Variants in LRP1B observed in about 807,000 individuals in gnomAD.
LRP1B encodes low-density lipoprotein receptor-related protein 1B.
A neutral mutation model predicts 556.6 loss-of-function variants in LRP1B; 217 were observed. That is an observed-to-expected ratio of 0.39 (90% CI 0.35 to 0.44). The LOEUF (loss-of-function observed/expected upper bound fraction) is 0.44, where lower values mean the gene tolerates loss of function less well. LRP1B is among the 20% of genes least tolerant of loss of function. The probability of loss-of-function intolerance (pLI) is 1.00; values close to 1 mark genes in which losing one functional copy is unlikely to be tolerated. For synonymous variants in LRP1B, 2,047 were observed against 1,865.8 expected (o/e 1.10, Z -2.50); for missense variants, 5,053 against 5,620.8 (o/e 0.90, Z 3.23).
At position 141,463,640 on chromosome 2, in the gene LRP1B, T is replaced by A. The variant is rs559446959; in HGVS notation, c.343+16756A>T. Among the ~76,000 whole-genome samples the A allele has an allele frequency of 4.1e-3, 517 of 124,750 alleles. 27 individuals carry two copies. Among genetic ancestry groups the A allele is most frequent in the African/African-American group, 0.016 (459 of 28,686 alleles). The allele number at this position is 124,750 out of a possible 152,430, so 81.8% of individuals were successfully genotyped here. ...TTATGTATTATATATTATTATATATTATATATTATATATAATTATATATAT... is the reference window on the plus strand; with the variant it reads ...TTATGTATTATATATTATTATATATAATATATTATATATAATTATATATAT... On this transcript the variant is annotated intron_variant, in intron 3 of 90. Coordinates refer to ENST00000389484, the MANE Select transcript of LRP1B (RefSeq NM_018557.3).
At chr2:142,068,023 C>T (rs1439509525) in intron 1 of LRP1B, among the ~76,000 whole-genome samples, 1 of 151,498 alleles carries the variant, frequency 6.6e-6, no homozygotes, top group Non-Finnish European at 1.5e-5. Flanking sequence ...ATCTTCCTAG[C>T]AGTCTAGGAG....
At chr2:141,973,489 T>C (rs957916479) in intron 1 of LRP1B, among the ~76,000 whole-genome samples, 2 of 151,904 alleles carry the variant, frequency 1.3e-5, no homozygotes, top group African/African-American at 4.8e-5. Flanking sequence ...AAGCAGTTTT[T>C]ATATCTGTTT....
At chr2:141,463,582 T>TATATATATTATATATTATATAATATTA (rs1405204222) in intron 3 of LRP1B, among the ~76,000 whole-genome samples, 5 of 78,344 alleles carry the variant, frequency 6.4e-5, no homozygotes, top group South Asian at 6.9e-4. Flanking sequence ...TTATATATAA[T>TATATATATTATATATTATATAATATTA]TATATATAAT....
chr2:141,108,213 A>C (rs185597320), intron 7 of LRP1B, among the ~76,000 whole-genome samples: 18 of 147,802 alleles, frequency 1.2e-4, no homozygotes, highest in African/African-American at 2.9e-4. Flanking sequence ...TGGAAATAAC[A>C]ACAACAATCC....
chr2:141,978,058 A>G (rs1442247743), intron 1 of LRP1B, among the ~76,000 whole-genome samples: 7 of 152,156 alleles, frequency 4.6e-5, no homozygotes, highest in African/African-American at 1.7e-4. Context: ...AATTTTTTAA[A>G]TGCGGTTTTG....
chr2:140,768,879 A>G (rs192396011), intron 35 of LRP1B, among the ~76,000 whole-genome samples: 2 of 152,038 alleles, frequency 1.3e-5, no homozygotes, highest in Non-Finnish European at 2.9e-5. Flanking sequence ...TAATAGATCA[A>G]AATGCTTTGT....
At chr2:141,902,710 T>G (rs1699655035) in intron 1 of LRP1B, among the ~76,000 whole-genome samples, 1 of 131,296 alleles carries the variant, frequency 7.6e-6, no homozygotes, top group Admixed American at 8.4e-5. Flanking sequence ...AATGTAGTTG[T>G]GTCTTATTGA....
chr2:141,918,358 A>T (rs992201669), intron 1 of LRP1B, among the ~76,000 whole-genome samples: 3 of 152,148 alleles, frequency 2.0e-5, no homozygotes, highest in East Asian at 1.9e-4. Context: ...ATAGAAAAAA[A>T]AACTTTTCAG....
chr2:141,103,522 T>TTCTCTCTCTCTCTCTCTCTC lies in LRP1B; in HGVS notation c.1014-41250_1014-41249insGAGAGAGAGAGAGAGAGAGA, dbSNP rs61008140. On this transcript the variant is annotated intron_variant, in intron 7 of 90. Transcript: ENST00000389484. ...CAGAAGCTGGGCCATAGCACACACA[T>TTCTCTCTCTCTCTCTCTCTC]TCTCTCTCTCTCTTAAAAAGTTCAG... is the stretch of plus-strand genomic sequence containing the variant. Among the ~76,000 whole-genome samples, 1,036 of 149,104 alleles carry TTCTCTCTCTCTCTCTCTCTC rather than the reference T, an allele frequency of 6.9e-3. 13 individuals are homozygous for TTCTCTCTCTCTCTCTCTCTC. Among genetic ancestry groups the TTCTCTCTCTCTCTCTCTCTC allele is most frequent in the Middle Eastern group, 0.021 (6 of 292 alleles).
At chr2:141,531,516 T>A (rs969238046) in intron 2 of LRP1B, among the ~76,000 whole-genome samples, 1 of 152,152 alleles carries the variant, frequency 6.6e-6, no homozygotes, top group African/African-American at 2.4e-5. Context: ...TGCCTGCATA[T>A]TGTAATATTA....
intron 18 of LRP1B, among the ~76,000 whole-genome samples, chr2:140,960,874 T>G (rs1407862947): frequency 6.6e-6 from 1 of 151,990 alleles, no homozygotes; most frequent in Non-Finnish European, 1.5e-5. Flanking sequence ...CATTGTAAAT[T>G]ATTTAATGTG....
chr2:140,784,250 C>A (rs991537293), intron 32 of LRP1B, among the ~76,000 whole-genome samples: 1 of 151,966 alleles, frequency 6.6e-6, no homozygotes, highest in African/African-American at 2.4e-5. Context: ...AGTCCCCTAC[C>A]CTGACTTTTG....
At chr2:141,784,537 T>C (rs979025628) in intron 2 of LRP1B, among the ~76,000 whole-genome samples, 1 of 151,930 alleles carries the variant, frequency 6.6e-6, no homozygotes, top group East Asian at 1.9e-4. Context: ...TTTTTGAAAC[T>C]GTTATCTTTG....
At chr2:142,039,874 G>A (rs907434422) in intron 1 of LRP1B, among the ~76,000 whole-genome samples, 1 of 151,474 alleles carries the variant, frequency 6.6e-6, no homozygotes, top group African/African-American at 2.4e-5. Flanking sequence ...GAGCATTTCA[G>A]GACATAGATC....
Position 140,840,992 on chromosome 2 carries a change from T to C in LRP1B, c.5040A>G (p.Leu1680=), listed in dbSNP as rs1559150299. The change falls in exon 30 of 91, where the codon CTA becomes CTG. Residue 1680 remains leucine, a synonymous_variant. Transcript: ENST00000389484. ...FDETQINVAR[L]DGSLKTSIIH... ...TAATTGAGGTTTTCAAAGAGCCATC[T>C]AGCCTTGCCACATTAATTTGCGTTT... is the stretch of plus-strand genomic sequence containing the variant. The C allele has an allele frequency of 6.8e-6, 11 of 1,613,456 alleles. No homozygotes were observed. Among genetic ancestry groups the C allele is most frequent in the Non-Finnish European group, 8.5e-6 (10 of 1,179,718 alleles).
chr2:141,713,033 C>A (rs1692424913), intron 2 of LRP1B, among the ~76,000 whole-genome samples: 1 of 151,622 alleles, frequency 6.6e-6, no homozygotes, highest in Non-Finnish European at 1.5e-5. Context: ...ATCCTAACCT[C>A]CATTGAACAT....
intron 7 of LRP1B, among the ~76,000 whole-genome samples, chr2:141,062,772 A>T (rs1018245063): frequency 6.6e-6 from 1 of 151,886 alleles, no homozygotes; most frequent in African/African-American, 2.4e-5. Context: ...CAGACAGAAA[A>T]GCAAATGTGC....
chr2:140,583,163 TTTTTTTTC>T lies in LRP1B; in HGVS notation c.7194+15460_7194+15467del, dbSNP rs1345420937. ...GAAAGTTTCTATTGACAGTTTCTCC[TTTTTTTTC>T]TTTTTTTTTTTTTTTTTTTTTTGAG... On this transcript the variant is annotated intron_variant, in intron 43 of 90. Coordinates refer to ENST00000389484, the MANE Select transcript of LRP1B (RefSeq NM_018557.3). 1.1e-4 allele frequency among the ~76,000 whole-genome samples: 5 copies of T among 44,508 alleles called. 1 individual carries two copies. The highest frequency in any genetic ancestry group is 2.0e-4 in the African/African-American group (2 of 10,218). The allele number at this position is 44,508 out of a possible 152,430, so 29.2% of individuals were successfully genotyped here.
chr2:140,547,888 C>T (rs777832004), intron 43 of LRP1B, among the ~76,000 whole-genome samples: 13 of 149,720 alleles, frequency 8.7e-5, no homozygotes, highest in Non-Finnish European at 1.6e-4. Context: ...ATAAAGGTAT[C>T]GATTTGATTA....
Sources: gnomAD v4.1 joint callset for allele counts (sites outside exome capture counted in the v4.1 genomes callset) on GRCh38, gnomAD v4.1.1 for gene constraint, MANE v1.5 for transcripts, NCBI Gene and HGNC (gene_info 2026-07-23, HGNC 2026-07-21) for gene names.